USP26: variants seen among roughly 807,000 people sequenced by gnomAD.
USP26 encodes ubiquitin specific peptidase 26.
For missense variants in USP26, 649 were observed against 642.3 expected (o/e 1.01, Z -0.11); for synonymous variants, 236 against 240.6 (o/e 0.98, Z 0.18).
At position 133,054,287 on chromosome X, in the gene USP26, C is replaced by T. The variant is rs140479935; in HGVS notation, c.-76-25991G>A. Among the ~76,000 whole-genome samples the T allele has an allele frequency of 5.5e-3, 616 of 111,315 alleles. 2 individuals are homozygous for T. The highest frequency in any genetic ancestry group is 0.018 in the African/African-American group (563 of 30,629). Reference sequence around the variant, plus strand: ...CCGGGTGGGAGTGTCATTGGTCTTACAGCTCCAATTAATTATTTTACCTTC... The same window carrying T: ...CCGGGTGGGAGTGTCATTGGTCTTATAGCTCCAATTAATTATTTTACCTTC... On this transcript the variant is annotated intron_variant, in intron 5 of 5. Transcript: ENST00000511190.
chrX:133,086,640 A>C (rs747864150), intron 4 of USP26, among the ~76,000 whole-genome samples: 1 of 110,530 alleles, frequency 9.0e-6, no homozygotes, highest in South Asian at 3.9e-4. Flanking sequence ...GGCCGGACGC[A>C]GTGGCTCACG....
Position 133,041,975 on chromosome X carries a change from C to A in USP26, c.-76-13679G>T, listed in dbSNP as rs1055021950. The stretch of plus-strand genomic sequence containing the variant: ...TTTTGCCACACTGTGGTGAATTCTG[C>A]CCAGTCCAAATCTTCCAGTCTCCTT... On this transcript the variant is annotated intron_variant, in intron 5 of 5. Transcript: ENST00000511190. Among the ~76,000 whole-genome samples the A allele has an allele frequency of 1.2e-4, 14 of 112,331 alleles. 1 individual carries two copies. Among genetic ancestry groups the A allele is most frequent in the African/African-American group, 4.2e-4 (13 of 30,903 alleles).
intron 4 of USP26, among the ~76,000 whole-genome samples, chrX:133,089,700 C>T (rs906303652): frequency 8.9e-6 from 1 of 112,033 alleles, no homozygotes; most frequent in African/African-American, 3.2e-5. Context: ...TTCATGAGTG[C>T]CTATTGTGTA....
intron 5 of USP26, among the ~76,000 whole-genome samples, chrX:133,080,263 G>A (rs1301167535): frequency 9.0e-6 from 1 of 111,305 alleles, no homozygotes; most frequent in Non-Finnish European, 1.9e-5. Flanking sequence ...AAAACCAGGA[G>A]AATCAGAAGA....
intron 4 of USP26, among the ~76,000 whole-genome samples, chrX:133,088,171 A>T (rs2067596033): frequency 1.8e-5 from 2 of 110,749 alleles, no homozygotes; most frequent in South Asian, 3.9e-4. Flanking sequence ...CCCTGTCTCA[A>T]AATTTTTTCT....
chrX:133,051,051 A>G (rs1177535602), intron 5 of USP26, among the ~76,000 whole-genome samples: 2 of 111,635 alleles, frequency 1.8e-5, no homozygotes, highest in African/African-American at 6.5e-5. Context: ...ATCTATTGTG[A>G]TATCTAATTC....
intron 5 of USP26, among the ~76,000 whole-genome samples, chrX:133,060,933 A>G (rs1249785567): frequency 1.8e-5 from 2 of 111,801 alleles, no homozygotes; most frequent in African/African-American, 6.5e-5. Flanking sequence ...TCACTGTATT[A>G]TATTAGGTAT....
chrX:133,061,368 TC>T (rs1441537833), intron 5 of USP26, among the ~76,000 whole-genome samples: 1 of 112,444 alleles, frequency 8.9e-6, no homozygotes, highest in Non-Finnish European at 1.9e-5. Context: ...GGGTCTTATT[TC>T]TCTCAATCAC....
chrX:133,051,761 G>A (rs1296315745), intron 5 of USP26, among the ~76,000 whole-genome samples: 1 of 112,114 alleles, frequency 8.9e-6, no homozygotes, highest in Non-Finnish European at 1.9e-5. Flanking sequence ...TGTAGTTGGG[G>A]TTACATGCAG....
intron 5 of USP26, among the ~76,000 whole-genome samples, chrX:133,060,880 A>G (rs373470384): frequency 8.9e-6 from 1 of 112,091 alleles, no homozygotes; most frequent in East Asian, 2.8e-4. Flanking sequence ...AAAAAGTTTC[A>G]AAAAGCAAAA....
At chrX:133,082,866 G>A (rs2067574869) in intron 5 of USP26, among the ~76,000 whole-genome samples, 1 of 111,952 alleles carries the variant, frequency 8.9e-6, no homozygotes, top group Admixed American at 9.5e-5. Flanking sequence ...AGACAGTAGG[G>A]TCAATGCACT....
At chrX:133,081,220 A>C (rs1181036113) in intron 5 of USP26, among the ~76,000 whole-genome samples, 1 of 111,153 alleles carries the variant, frequency 9.0e-6, no homozygotes, top group Non-Finnish European at 1.9e-5. Flanking sequence ...TGGTGAATAA[A>C]AATACTTTTC....
rs2067352025 is a variant in USP26 at position 133,026,784 on chromosome X, A to G, written c.1437T>C (p.Ile479=). ...CAAAAAAAAGATCAAAAGTAGACTG[A>G]ATAGATGAAGGATGTGCTTTTATTC... ...PQRIKAHPSS[I]QSTFDLFFGA... is the part of the protein sequence containing the mutation. Residue 479 remains isoleucine, a synonymous_variant, in exon 6 of 6, where the codon ATT becomes ATC. Transcript: ENST00000511190. 1.2e-5 allele frequency: 15 copies of G among 1,209,275 alleles called. No individual in the cohort carries two copies. Among genetic ancestry groups the G allele is most frequent in the Non-Finnish European group, 1.7e-5 (15 of 895,058 alleles).
chrX:133,051,318 G>A (rs1252364143), intron 5 of USP26, among the ~76,000 whole-genome samples: 5 of 111,948 alleles, frequency 4.5e-5, no homozygotes, highest in African/African-American at 1.6e-4. Flanking sequence ...CATGAGACAA[G>A]TATAAAGAAG....
chrX:133,070,456 C>A (rs2067527032), intron 5 of USP26, among the ~76,000 whole-genome samples: 1 of 111,465 alleles, frequency 9.0e-6, no homozygotes, highest in African/African-American at 3.3e-5. Context: ...ATTCATGATA[C>A]CCTCCAGTCT....
intron 5 of USP26, among the ~76,000 whole-genome samples, chrX:133,040,766 A>G (rs1569509906): frequency 9.0e-6 from 1 of 111,464 alleles, no homozygotes. Context: ...AGTTGTCCAC[A>G]ATAATATCCT....
chrX:133,092,748 G>C (rs2067612241), intron 1 of USP26, among the ~76,000 whole-genome samples: 1 of 111,527 alleles, frequency 9.0e-6, no homozygotes, highest in Non-Finnish European at 1.9e-5. Context: ...AAAAAGTCAG[G>C]ATCTATGAGG....
At chrX:133,036,122 T>TTATATA (rs56291269) in intron 5 of USP26, among the ~76,000 whole-genome samples, 2,078 of 106,545 alleles carry the variant, frequency 0.02, 20 homozygotes, top group Middle Eastern at 0.034. Flanking sequence ...CTAAAAAAAA[T>TTATATA]TATATATATA....
chrX:133,045,943 A>G (rs2067438418), intron 5 of USP26: 1 of 112,310 alleles, frequency 8.9e-6, no homozygotes, highest in African/African-American at 3.2e-5. Context: ...CACAGGTCCA[A>G]TTCTGGAAAG....
Sources: allele counts gnomAD v4.1 joint callset (sites outside exome capture counted in the v4.1 genomes callset), GRCh38; gene constraint gnomAD v4.1.1; transcripts MANE v1.5; gene names NCBI Gene and HGNC (gene_info 2026-07-23, HGNC 2026-07-21).